The following SUPT6H variants were observed in gnomAD, a reference collection of about 807,000 sequenced individuals.
The protein encoded by SUPT6H is transcription elongation factor SPT6.
A neutral mutation model predicts 222.3 loss-of-function variants in SUPT6H; 11 were observed. The ratio of observed to expected loss-of-function variants is 0.05; its 90% CI spans 0.03 to 0.08. SUPT6H has a LOEUF of 0.08. SUPT6H is among the 10% of genes least tolerant of loss of function. SUPT6H has a pLI of 1.00. For missense variants in SUPT6H, 1,422 were observed against 2,216.0 expected (o/e 0.64, Z 7.19); for synonymous variants, 762 against 801.2 (o/e 0.95, Z 0.83).
rs759070297 is a variant in SUPT6H at position 28,675,167 on chromosome 17, G to A, written c.538+5G>A. On this transcript the variant is annotated splice_donor_5th_base_variant and intron_variant, in intron 5 of 36. Coordinates refer to ENST00000314616, the MANE Select transcript of SUPT6H (RefSeq NM_003170.5). ...AAGAAGATGATGAGGAGTCAGGTAT[G>A]TTATATTGGGCAGGGAAGCCAGTGT... The A allele has an allele frequency of 5.0e-6, 8 of 1,604,174 alleles. 1 individual carries two copies. The South Asian group carries it at 7.8e-5, about 16-fold the overall frequency.
intron 1 of SUPT6H, among the ~76,000 whole-genome samples, chr17:28,669,323 C>G (rs34976342): frequency 0.1 from 15,402 of 152,040 alleles, 817 homozygotes; most frequent in South Asian, 0.15. Context: ...TCCTGAATAG[C>G]TGGGACTACA....
At chr17:28,678,023 T>C in intron 8 of SUPT6H, 53 bp from the exon 9 acceptor site, 3 of 1,563,046 alleles carry the variant, frequency 1.9e-6, no homozygotes, top group Non-Finnish European at 2.6e-6. Context: ...TCTTGTATGG[T>C]AAGACAAACC....
chr17:28,676,130 C>A, intron 6 of SUPT6H, 27 bp from the exon 7 acceptor site: 1 of 1,552,030 alleles, frequency 6.4e-7, no homozygotes, highest in Non-Finnish European at 8.7e-7. Context: ...TGAACCTGAG[C>A]CACCTGCCTC....
In SUPT6H at chr17:28,673,451, A is replaced by G. The variant is rs1239607534; in HGVS notation, c.50A>G (p.Asn17Ser). The G allele has an allele frequency of 6.8e-6, 11 of 1,613,950 alleles. No individual in the cohort carries two copies. Among genetic ancestry groups the G allele is most frequent in the East Asian group, 2.2e-5 (1 of 44,904 alleles). ...GCTGAGGAGTCAGAGGAAGAATACA[A>G]TGATGAAGGCGAGGTGGTACCCCGA... The part of the protein sequence containing the change: ...SEAEESEEEY[N>S]DEGEVVPRVT... Residue 17 changes from asparagine (N) to serine (S), a missense_variant, in exon 2 of 37, where the codon AAT (asparagine) becomes AGT (serine). Physicochemically the swap from Asn to Ser is conservative, Grantham distance 46 (BLOSUM62 1). Coordinates refer to ENST00000314616, the MANE Select transcript of SUPT6H (RefSeq NM_003170.5).
In SUPT6H at chr17:28,701,018, G is replaced by A. The variant is rs1252849717; in HGVS notation, c.4884G>A (p.Gln1628=). 6.2e-6 allele frequency: 10 copies of A among 1,614,004 alleles called. No individual in the cohort carries two copies. Among genetic ancestry groups the A allele is most frequent in the Admixed American group, 1.7e-5 (1 of 59,992 alleles). ...TPSYSYTTPS[Q]PITTPQYHQL... ...GCTACTCCTACACGACCCCAAGCCA[G>A]CCCATCACCACCCCTCAGTACCACC... Residue 1628 remains glutamine (Q), a synonymous_variant, in exon 36 of 37, where the codon CAG becomes CAA. Coordinates refer to ENST00000314616, the MANE Select transcript of SUPT6H (RefSeq NM_003170.5).
At chr17:28,676,579 G>A in intron 7 of SUPT6H, 149 bp downstream of exon 7, 1 of 1,231,878 alleles carries the variant, frequency 8.1e-7, no homozygotes, top group Non-Finnish European at 1.1e-6. Flanking sequence ...TTAGAGAAGG[G>A]AAGATAGACT....
intron 21 of SUPT6H, 74 bp downstream of exon 21, chr17:28,686,863 C>G: frequency 2.6e-6 from 4 of 1,520,772 alleles, no homozygotes; most frequent in Non-Finnish European, 3.5e-6. Context: ...AATTGGGAAA[C>G]AAAAGTTATC....
At chr17:28,674,879 T>C in intron 4 of SUPT6H, 91 bp from the exon 5 acceptor site, 2 of 1,425,046 alleles carry the variant, frequency 1.4e-6, no homozygotes, top group South Asian at 1.3e-5. Flanking sequence ...GTCAGAGTAA[T>C]TGTGGTGGGA....
intron 19 of SUPT6H, among the ~76,000 whole-genome samples, chr17:28,686,044 C>T (rs1315141625): frequency 6.6e-6 from 1 of 152,140 alleles, no homozygotes; most frequent in Non-Finnish European, 1.5e-5. Context: ...GAACCAATGG[C>T]TAAGTATTAG....
chr17:28,683,956 C>T lies in SUPT6H; in HGVS notation c.2229+140C>T, dbSNP rs1028709849. 8.1e-5 allele frequency: 55 copies of T among 680,576 alleles called. No individual in the cohort carries two copies. In the African/African-American group the frequency reaches 8.7e-4, roughly 11 times the overall value. 42.2% of individuals were successfully genotyped at this position (680,576 alleles called of 1,614,324 possible). A position where few individuals can be genotyped will look rare whatever the true frequency, so the allele number is the denominator to read the frequency against. Reference sequence around the variant, plus strand: ...GTTGATGCCATTCTCCTGCCTCAGCCTCCCGAGTACCTGGGACTACAGGCG... The same window carrying T: ...GTTGATGCCATTCTCCTGCCTCAGCTTCCCGAGTACCTGGGACTACAGGCG... On this transcript the variant is annotated intron_variant, in intron 17 of 36. Transcript: ENST00000314616.
chr17:28,668,242 T>A (rs2030204848), intron 1 of SUPT6H, among the ~76,000 whole-genome samples: 1 of 152,178 alleles, frequency 6.6e-6, no homozygotes, highest in South Asian at 2.1e-4. Flanking sequence ...GGGAAAATTT[T>A]AAGAGCATAA....
At chr17:28,686,940 GA>G (rs771796112) in intron 21 of SUPT6H, 147 bp from the exon 22 acceptor site, 9 of 1,483,114 alleles carry the variant, frequency 6.1e-6, no homozygotes, top group Non-Finnish European at 8.2e-6. Context: ...TTACGGTTCA[GA>G]TTGGGAGTCC....
intron 29 of SUPT6H, 28 bp downstream of exon 29, chr17:28,695,575 C>T (rs1392404878): frequency 1.3e-6 from 2 of 1,598,512 alleles, no homozygotes; most frequent in Middle Eastern, 1.9e-4. Context: ...CATCTCTGTG[C>T]ACCCTGCATC....
chr17:28,680,901 C>T (rs2031067612), intron 11 of SUPT6H, among the ~76,000 whole-genome samples: 1 of 152,184 alleles, frequency 6.6e-6, no homozygotes, highest in East Asian at 1.9e-4. Flanking sequence ...TCCGCCTTGG[C>T]CTTCCAAAGT....
chr17:28,677,891 T>G, intron 8 of SUPT6H, 75 bp downstream of exon 8: 2 of 1,390,184 alleles, frequency 1.4e-6, no homozygotes, highest in Non-Finnish European at 1.0e-6. Flanking sequence ...CTTCCTCCCC[T>G]ATTTCATACA....
chr17:28,683,139 C>A (rs757407558), intron 15 of SUPT6H, 47 bp downstream of exon 15: 32 of 1,561,602 alleles, frequency 2.0e-5, no homozygotes, highest in Non-Finnish European at 2.6e-5. Context: ...CCAGCTCTTT[C>A]TTTGATTGCC....
intron 36 of SUPT6H, 25 bp from the exon 37 acceptor site, chr17:28,701,414 A>G (rs779728870): frequency 3.0e-5 from 48 of 1,607,872 alleles, no homozygotes; most frequent in Non-Finnish European, 3.8e-5. Flanking sequence ...CAAAGTCCCA[A>G]TCTCAACTTT....
intron 1 of SUPT6H, among the ~76,000 whole-genome samples, chr17:28,668,316 A>G (rs1414488077): frequency 6.6e-6 from 1 of 152,198 alleles, no homozygotes; most frequent in Non-Finnish European, 1.5e-5. Context: ...AATAATAATC[A>G]TACACAAATA....
At chr17:28,668,632 T>TA (rs2030233852) in intron 1 of SUPT6H, among the ~76,000 whole-genome samples, 1 of 152,146 alleles carries the variant, frequency 6.6e-6, no homozygotes, top group Non-Finnish European at 1.5e-5. Flanking sequence ...TTTCATCAGG[T>TA]AGGCTGTGTG....
Sources: gnomAD v4.1 joint callset for allele counts (sites outside exome capture counted in the v4.1 genomes callset) on GRCh38, gnomAD v4.1.1 for gene constraint, MANE v1.5 for transcripts, NCBI Gene and HGNC (gene_info 2026-07-23, HGNC 2026-07-21) for gene names.